Variants in SNX19 observed in about 807,000 individuals in gnomAD.
SNX19 encodes the protein sorting nexin-19.
Under a neutral mutation model 85.2 loss-of-function variants are expected in SNX19, and 60 were observed. That is an observed-to-expected ratio of 0.70 (90% CI 0.57 to 0.87). The LOEUF (loss-of-function observed/expected upper bound fraction) is 0.87. Ranked by LOEUF, SNX19 falls within the 40% of genes least tolerant of loss-of-function variation. The pLI, the probability that SNX19 is intolerant of heterozygous loss-of-function variation, is 0.00. For missense variants in SNX19, 1,201 were observed against 1,217.8 expected, an observed-to-expected ratio of 0.99 and a Z score of 0.21; for synonymous variants, 520 against 470.0, an observed-to-expected ratio of 1.11 and a Z score of -1.38.
chr11:130,914,344 G>A lies in SNX19; in HGVS notation c.1596C>T (p.Asn532=). Residue 532 remains asparagine (N), a synonymous_variant, in exon 1 of 11, where the codon AAC becomes AAT. Coordinates refer to ENST00000265909, the MANE Select transcript of SNX19 (RefSeq NM_014758.3). ...CTGTAATGGTGCCAGTGATACGAAGGTTCTGGATGATAACTGGACCATCGG... is the reference window on the plus strand; with the variant it reads ...CTGTAATGGTGCCAGTGATACGAAGATTCTGGATGATAACTGGACCATCGG... ...SSPDGPVIIQ[N]LRITGTITAR... 1 of 1,613,626 alleles carries A rather than the reference G, an allele frequency of 6.2e-7. No individual in the cohort carries two copies. The highest frequency in any genetic ancestry group is 1.3e-5 in the African/African-American group (1 of 75,034).
At position 130,914,339 on chromosome 11, in the gene SNX19, C is replaced by T. The variant is rs374201205; in HGVS notation, c.1601G>A (p.Arg534His). 1.8e-4 allele frequency: 288 copies of T among 1,612,920 alleles called. No homozygotes were observed. The highest frequency in any genetic ancestry group is 2.2e-4 in the Non-Finnish European group (258 of 1,179,510). Reference protein sequence around the residue: ...PDGPVIIQNLRITGTITAREH... With the variant: ...PDGPVIIQNLHITGTITAREH... ...TCGGGCTGTAATGGTGCCAGTGATA[C>T]GAAGGTTCTGGATGATAACTGGACC... Residue 534 changes from arginine (R) to histidine (H), a missense_variant, in exon 1 of 11, where the codon CGT (arginine) becomes CAT (histidine). This residue lies in a region of SNX19 where 791 missense variants were observed against 750.9 expected (regional missense o/e 1.05). Transcript: ENST00000265909.
chr11:130,897,610 C>G (rs1301605396), intron 8 of SNX19, among the ~76,000 whole-genome samples: 1 of 152,106 alleles, frequency 6.6e-6, no homozygotes, highest in African/African-American at 2.4e-5. Flanking sequence ...GCTTCTCATT[C>G]CTTCACTTTC....
chr11:130,888,258 A>T (rs7106684), intron 8 of SNX19, among the ~76,000 whole-genome samples: 63,997 of 151,754 alleles, frequency 0.42, 13,910 homozygotes, highest in South Asian at 0.56. Flanking sequence ...CATCATCTAG[A>T]GTTTTAACTA....
chr11:130,895,352 A>G (rs1010805981), intron 8 of SNX19, among the ~76,000 whole-genome samples: 5 of 152,214 alleles, frequency 3.3e-5, no homozygotes, highest in Non-Finnish European at 7.3e-5. Context: ...GGAAACCCTA[A>G]GATTCTTAAT....
Position 130,869,251 on chromosome 11 carries a change from T to C in SNX19, c.*9171A>G, listed in dbSNP as rs1027603367. The C allele has an allele frequency of 6.6e-6, 1 of 152,230 alleles. No homozygotes were observed. Among genetic ancestry groups the C allele is most frequent in the South Asian group, 2.1e-4 (1 of 4,834 alleles). 9.4% of individuals were successfully genotyped at this position (152,230 alleles called of 1,614,324 possible). ...AGTCAAGCTGTGCGGGTCCAGCCAA[T>C]TTAAGATAAACTCTGTTTAATTACA... On this transcript the variant is annotated 3_prime_UTR_variant, in exon 11 of 11. Transcript: ENST00000265909.
rs1943106181 is a variant in SNX19 at position 130,873,490 on chromosome 11, A to AGATT, written c.*4928_*4931dup. 6.6e-6 allele frequency among the ~76,000 whole-genome samples: 1 copy of AGATT among 152,188 alleles called. No homozygotes were observed. Among genetic ancestry groups the AGATT allele is most frequent in the African/African-American group, 2.4e-5 (1 of 41,446 alleles). ...GGATATACTACGTAGACTCAGAGGCAGATTGACATGGTTTGTATCTAGGCT... is the reference window on the plus strand; with the variant it reads ...GGATATACTACGTAGACTCAGAGGCAGATTGATTGACATGGTTTGTATCTAGGCT... On this transcript the variant is annotated 3_prime_UTR_variant, in exon 11 of 11. Coordinates refer to ENST00000265909, the MANE Select transcript of SNX19 (RefSeq NM_014758.3).
intron 5 of SNX19, among the ~76,000 whole-genome samples, chr11:130,906,976 CTAAG>C (rs1945723282): frequency 6.6e-6 from 1 of 152,164 alleles, no homozygotes; most frequent in Admixed American, 6.5e-5. Flanking sequence ...ATGGTTTCTG[CTAAG>C]TAAAACTGGC....
chr11:130,885,784 T>C (rs989017169), intron 8 of SNX19, among the ~76,000 whole-genome samples: 1 of 151,358 alleles, frequency 6.6e-6, no homozygotes, highest in Non-Finnish European at 1.5e-5. Flanking sequence ...AGATACCAAA[T>C]ACAGTTCAAA....
chr11:130,880,200 A>G (rs1943555827), intron 9 of SNX19, among the ~76,000 whole-genome samples: 1 of 152,192 alleles, frequency 6.6e-6, no homozygotes. Flanking sequence ...ATTAAGTTGG[A>G]GCTTCTGTGA....
Position 130,888,004 on chromosome 11 carries a change from G to A in SNX19, c.2574-7198C>T, listed in dbSNP as rs545536942. On this transcript the variant is annotated intron_variant, in intron 8 of 10. Coordinates refer to ENST00000265909, the MANE Select transcript of SNX19 (RefSeq NM_014758.3). ...TAGATACTATACTTCTCATACAGCC[G>A]AAGATTGTGTTAGCTTTTTGGCACA... Among the ~76,000 whole-genome samples the A allele has an allele frequency of 5.3e-5, 8 of 151,692 alleles. No individual in the cohort carries two copies. In the South Asian group the frequency reaches 8.3e-4, roughly 16 times the overall value.
At position 130,909,244 on chromosome 11, in the gene SNX19, ACCCAGTTGAT is replaced by A. The variant is rs368324757; in HGVS notation, c.2034+764_2034+773del. ...TATCTGCATGGAACTCTGGGCATTT[ACCCAGTTGAT>A]CCCTTTTTAGTTTGTAGTTTTTTCC... On this transcript the variant is annotated intron_variant, in intron 4 of 10. Transcript: ENST00000265909. Among the ~76,000 whole-genome samples the A allele has an allele frequency of 7.8e-3, 1,192 of 152,278 alleles. 16 individuals carry two copies. The highest frequency in any genetic ancestry group is 0.027 in the African/African-American group (1,137 of 41,552).
intron 8 of SNX19, among the ~76,000 whole-genome samples, chr11:130,889,582 T>G (rs201153657): frequency 5.9e-5 from 9 of 152,224 alleles, no homozygotes; most frequent in Non-Finnish European, 1.5e-5. Context: ...TCTTACAGCA[T>G]GTAAAACAGT....
chr11:130,876,865 C>T lies in SNX19; in HGVS notation c.*1557G>A, dbSNP rs117702486. ...GGCTAGAAGAGGCCATGAGACATCT[C>T]ATTCATCTCCTTGCCTTTGGGCAAG... On this transcript the variant is annotated 3_prime_UTR_variant, in exon 11 of 11. Transcript: ENST00000265909. The T allele has an allele frequency of 0.014, 2,147 of 152,516 alleles. 20 individuals are homozygous for T. The highest frequency in any genetic ancestry group is 0.024 in the Middle Eastern group (7 of 294). The allele number at this position is 152,516 out of a possible 1,614,324, so 9.4% of individuals were successfully genotyped here.
intron 8 of SNX19, chr11:130,902,953 GAT>G (rs748966677): frequency 9.1e-5 from 25 of 273,682 alleles, no homozygotes; most frequent in Non-Finnish European, 1.5e-4. Flanking sequence ...AGGGCTGGAG[GAT>G]ATAACTGGGT....
At chr11:130,900,379 G>A (rs1945179828) in intron 8 of SNX19, among the ~76,000 whole-genome samples, 1 of 152,166 alleles carries the variant, frequency 6.6e-6, no homozygotes, top group Admixed American at 6.5e-5. Context: ...CACAGCCTCT[G>A]CTCTGAACTC....
chr11:130,915,445 G>A lies in SNX19; in HGVS notation c.495C>T (p.His165=). ...AQSVLTLCGC[H]LQSYIQAKEA... ...CCTTTGCCTGAATGTAGCTCTGCAGGTGACAACCGCAGAGAGTCAGAACAC... is the reference window on the plus strand; with the variant it reads ...CCTTTGCCTGAATGTAGCTCTGCAGATGACAACCGCAGAGAGTCAGAACAC... Residue 165 remains histidine (H), a synonymous_variant, in exon 1 of 11, where the codon CAC becomes CAT. Coordinates refer to ENST00000265909, the MANE Select transcript of SNX19 (RefSeq NM_014758.3). 1.2e-6 allele frequency: 2 copies of A among 1,614,008 alleles called. No homozygotes were observed. Among genetic ancestry groups the A allele is most frequent in the Non-Finnish European group, 1.7e-6 (2 of 1,180,024 alleles).
rs1315472468 is a variant in SNX19, at chr11:130,875,733, T to A, written c.*2689A>T. ...GGGGAAGGGATAGCATCAGGAGATA[T>A]ACCTAATGTAAATGACGAGTTAACG... On this transcript the variant is annotated 3_prime_UTR_variant, in exon 11 of 11. Coordinates refer to ENST00000265909, the MANE Select transcript of SNX19 (RefSeq NM_014758.3). 6.6e-6 allele frequency: 1 copy of A among 152,018 alleles called. No homozygotes were observed. Among genetic ancestry groups the A allele is most frequent in the East Asian group, 1.9e-4 (1 of 5,188 alleles). The allele number at this position is 152,018 out of a possible 1,614,324, so 9.4% of individuals were successfully genotyped here. A position where few individuals can be genotyped will look rare whatever the true frequency, so the allele number is the denominator to read the frequency against.
rs113123833 is a variant in SNX19 at position 130,910,373 on chromosome 11, TC to T, written c.1814-4del. 0.15 allele frequency: 169,204 copies of T among 1,133,894 alleles called. 484 individuals are homozygous for T. Among genetic ancestry groups the T allele is most frequent in the East Asian group, 0.22 (6,935 of 31,234 alleles). The allele number at this position is 1,133,894 out of a possible 1,614,324, so 70.2% of individuals were successfully genotyped here. On this transcript the variant is annotated splice_region_variant and splice_polypyrimidine_tract_variant and intron_variant, in intron 2 of 10. Transcript: ENST00000265909. ...GAGCTTTTTAGGACCCTTCACATCT[TC>T]CAAAAAAAAAAAAAATCAAAATATT...
chr11:130,908,110 G>C (rs1945817297), intron 4 of SNX19, 27 bp from the exon 5 acceptor site: 1 of 1,611,158 alleles, frequency 6.2e-7, no homozygotes, highest in Non-Finnish European at 8.5e-7. Context: ...TGCAGGGTCA[G>C]TCCATCCACA....
Sources: gnomAD v4.1 joint callset for allele counts (sites outside exome capture counted in the v4.1 genomes callset) on GRCh38, gnomAD v4.1.1 for gene constraint, gnomAD v4.1.1 regional missense constraint, MANE v1.5 for transcripts, NCBI Gene and HGNC (gene_info 2026-07-23, HGNC 2026-07-21) for gene names.